SHISA9: variants seen among roughly 807,000 people sequenced by gnomAD.
SHISA9 encodes shisa family member 9, also known as protein shisa-9.
A neutral mutation model predicts 38.0 loss-of-function variants in SHISA9; 13 were observed. The observed-to-expected ratio is 0.34, with a 90% CI of 0.22 to 0.54. The LOEUF is 0.54. SHISA9 is among the 20% of genes least tolerant of loss of function. SHISA9 has a pLI of 0.91. For missense variants in SHISA9, 538 were observed against 575.8 expected (o/e 0.93, Z 0.67); for synonymous variants, 275 against 242.0 (o/e 1.14, Z -1.27).
At chr16:13,227,544 A>T (rs555685151) in intron 4 of SHISA9, among the ~76,000 whole-genome samples, 2 of 152,162 alleles carry the variant, frequency 1.3e-5, no homozygotes, top group African/African-American at 4.8e-5. Context: ...AGGGATGACA[A>T]CCTTGGGCCA....
chr16:13,125,924 T>C (rs1358805352), intron 2 of SHISA9, among the ~76,000 whole-genome samples: 1 of 152,212 alleles, frequency 6.6e-6, no homozygotes, highest in Admixed American at 6.5e-5. Context: ...CTAACATTAC[T>C]GGCTATTGAC....
chr16:13,187,980 G>A (rs538506691), intron 2 of SHISA9, among the ~76,000 whole-genome samples: 107 of 152,238 alleles, frequency 7.0e-4, no homozygotes, highest in African/African-American at 2.5e-3. Flanking sequence ...TGTAGATCAC[G>A]TTTCATCCTC....
the SHISA9 span, among the ~76,000 whole-genome samples, chr16:13,479,177 C>T: frequency 3.9e-5 from 6 of 152,180 alleles, no homozygotes; most frequent in Admixed American, 3.9e-4. Flanking sequence ...TCGTCCCTTT[C>T]ACTGACTCTG....
the SHISA9 span, among the ~76,000 whole-genome samples, chr16:13,454,535 C>T: frequency 2.6e-5 from 4 of 152,154 alleles, no homozygotes. Context: ...GTACCATTGT[C>T]GTCATCTTTG....
intron 2 of SHISA9, among the ~76,000 whole-genome samples, chr16:12,997,742 C>G (rs994732612): frequency 6.6e-6 from 1 of 152,182 alleles, no homozygotes; most frequent in East Asian, 1.9e-4. Context: ...CATCTGGACT[C>G]TGATTTCCCA....
At chr16:13,362,214 CAA>C in the SHISA9 span, among the ~76,000 whole-genome samples, 6 of 127,480 alleles carry the variant, frequency 4.7e-5, no homozygotes, top group Admixed American at 7.9e-5. Flanking sequence ...GAACGACAGC[CAA>C]AAAAAAAAAA....
chr16:12,947,915 T>C (rs930629963), intron 2 of SHISA9, among the ~76,000 whole-genome samples: 5 of 152,218 alleles, frequency 3.3e-5, no homozygotes, highest in Non-Finnish European at 7.3e-5. Flanking sequence ...TTGCCAAACC[T>C]GGGGCCACCT....
intron 2 of SHISA9, among the ~76,000 whole-genome samples, chr16:13,072,026 A>T (rs544511035): frequency 6.6e-6 from 1 of 152,072 alleles, no homozygotes; most frequent in African/African-American, 2.4e-5. Context: ...CATTGCAGGG[A>T]TGTGAATGAG....
At chr16:12,932,182 T>C (rs2071470406) in intron 2 of SHISA9, among the ~76,000 whole-genome samples, 1 of 152,216 alleles carries the variant, frequency 6.6e-6, no homozygotes, top group South Asian at 2.1e-4. Flanking sequence ...CTTTATAAAT[T>C]ACCCAGTCTC....
At chr16:13,280,114 T>C in the SHISA9 span, among the ~76,000 whole-genome samples, 1 of 122,826 alleles carries the variant, frequency 8.1e-6, no homozygotes, top group Non-Finnish European at 1.8e-5. Flanking sequence ...TCTCTCTCTT[T>C]CTCTTTTTTT....
the SHISA9 span, among the ~76,000 whole-genome samples, chr16:13,447,552 A>C: frequency 6.6e-6 from 1 of 152,194 alleles, no homozygotes; most frequent in Admixed American, 6.5e-5. Flanking sequence ...ATGTGGGCAG[A>C]TCCAAGCTAC....
the SHISA9 span, among the ~76,000 whole-genome samples, chr16:13,478,724 T>G: frequency 6.6e-6 from 1 of 152,220 alleles, no homozygotes; most frequent in Non-Finnish European, 1.5e-5. Flanking sequence ...TACATGAGTA[T>G]TACTAAGCCT....
the SHISA9 span, among the ~76,000 whole-genome samples, chr16:13,407,838 T>C: frequency 6.6e-6 from 1 of 152,340 alleles, no homozygotes; most frequent in South Asian, 2.1e-4. Flanking sequence ...TAATTGTAGA[T>C]ATTATTGTGT....
intron 1 of SHISA9, among the ~76,000 whole-genome samples, chr16:12,915,706 G>A (rs1378647018): frequency 7.2e-5 from 11 of 152,150 alleles, no homozygotes; most frequent in Non-Finnish European, 1.0e-4. Context: ...ACTATGCAGC[G>A]GCTGCAAGGG....
At chr16:13,116,772 AAGG>A (rs1204698336) in intron 2 of SHISA9, among the ~76,000 whole-genome samples, 1 of 152,194 alleles carries the variant, frequency 6.6e-6, no homozygotes, top group Non-Finnish European at 1.5e-5. Context: ...TTACTGAACA[AAGG>A]AGGTTTCATA....
chr16:13,370,040 C>G, the SHISA9 span, among the ~76,000 whole-genome samples: 1 of 152,036 alleles, frequency 6.6e-6, no homozygotes. Flanking sequence ...CAACCAAAAA[C>G]CATTTGTACC....
intron 2 of SHISA9, among the ~76,000 whole-genome samples, chr16:12,986,533 T>A (rs2072311918): frequency 6.6e-6 from 1 of 152,164 alleles, no homozygotes; most frequent in African/African-American, 2.4e-5. Context: ...TAAAGGGAAT[T>A]CAGGTGTGGT....
chr16:13,275,399 T>C, the SHISA9 span, among the ~76,000 whole-genome samples: 2 of 152,154 alleles, frequency 1.3e-5, no homozygotes, highest in African/African-American at 4.8e-5. Flanking sequence ...TTTCTTTCTA[T>C]GTAAACATTT....
intron 2 of SHISA9, among the ~76,000 whole-genome samples, chr16:13,102,783 A>G (rs1049576243): frequency 2.0e-5 from 3 of 152,126 alleles, no homozygotes; most frequent in African/African-American, 4.8e-5. Context: ...TTAATCCCCA[A>G]TCAATATGTG....
Sources: allele counts gnomAD v4.1 joint callset (sites outside exome capture counted in the v4.1 genomes callset), GRCh38; gene constraint gnomAD v4.1.1; transcripts MANE v1.5; gene names NCBI Gene and HGNC (gene_info 2026-07-23, HGNC 2026-07-21).